Variants in ETV6 observed in about 807,000 individuals in gnomAD.
The protein encoded by ETV6 is transcription factor ETV6.
ETV6 carries 16 observed loss-of-function variants against 51.1 expected under a neutral mutation model. The observed-to-expected ratio is 0.31, with a 90% CI of 0.21 to 0.48. The LOEUF (loss-of-function observed/expected upper bound fraction) is 0.48, where lower values mean the gene tolerates loss of function less well. Ranked by LOEUF, ETV6 falls within the 20% of genes least tolerant of loss-of-function variation. The pLI is 0.99. For synonymous variants in ETV6, 240 were observed against 224.1 expected, an observed-to-expected ratio of 1.07 and a Z score of -0.64; for missense variants, 458 against 594.8, an observed-to-expected ratio of 0.77 and a Z score of 2.39.
intron 2 of ETV6, among the ~76,000 whole-genome samples, chr12:11,807,284 A>G (rs1214340172): frequency 1.3e-5 from 2 of 152,246 alleles, no homozygotes; most frequent in Non-Finnish European, 2.9e-5. Context: ...GAATAAATGC[A>G]CACTAAATAG....
intron 4 of ETV6, among the ~76,000 whole-genome samples, chr12:11,868,391 G>GGAGTGTCAT (rs1186025584): frequency 6.6e-6 from 1 of 151,018 alleles, no homozygotes; most frequent in Non-Finnish European, 1.5e-5. Context: ...CTCTTGGTTA[G>GGAGTGTCAT]GAGTGTCATG....
chr12:11,762,057 A>G (rs1945093508), intron 2 of ETV6, among the ~76,000 whole-genome samples: 3 of 152,310 alleles, frequency 2.0e-5, no homozygotes, highest in African/African-American at 7.2e-5. Context: ...GGGAAATCCA[A>G]CACCCAGCTC....
intron 2 of ETV6, among the ~76,000 whole-genome samples, chr12:11,821,559 G>A (rs772373525): frequency 3.9e-5 from 6 of 151,942 alleles, no homozygotes; most frequent in African/African-American, 1.2e-4. Flanking sequence ...GATGTTGACC[G>A]GGCACAGTGG....
In ETV6 at chr12:11,741,875, C is replaced by A. The variant is rs151331270; in HGVS notation, c.34-10575C>A. On this transcript the variant is annotated intron_variant, in intron 1 of 7. Coordinates refer to ENST00000396373, the MANE Select transcript of ETV6 (RefSeq NM_001987.5). ...ACAGTGATTCGCAACTTTAGCTCTG[C>A]ATATTGCAATCACCTGGGAGCTTTA... 1.7e-4 allele frequency among the ~76,000 whole-genome samples: 26 copies of A among 152,354 alleles called. No individual in the cohort carries two copies. The East Asian group carries it at 3.5e-3, about 20-fold the overall frequency.
rs1307404661 is a variant in ETV6, at chr12:11,801,654, A to G, written c.164-37486A>G. 4.6e-5 allele frequency among the ~76,000 whole-genome samples: 7 copies of G among 152,302 alleles called. No homozygotes were observed. In the East Asian group the frequency reaches 1.4e-3, roughly 29 times the overall value. ...CGGTTTACCAGTTTTCATGTAATAT[A>G]TTAACCTATCTCATTTAATCATTAC... is the stretch of plus-strand genomic sequence containing the variant. On this transcript the variant is annotated intron_variant, in intron 2 of 7. Transcript: ENST00000396373.
intron 2 of ETV6, among the ~76,000 whole-genome samples, chr12:11,813,426 G>A (rs982547750): frequency 6.6e-6 from 1 of 152,138 alleles, no homozygotes; most frequent in African/African-American, 2.4e-5. Context: ...ATGTGGCCAC[G>A]ACTCAGAATT....
Position 11,836,320 on chromosome 12 carries a change from T to C in ETV6, c.164-2820T>C, listed in dbSNP as rs1198854462. On this transcript the variant is annotated intron_variant, in intron 2 of 7. Coordinates refer to ENST00000396373, the MANE Select transcript of ETV6 (RefSeq NM_001987.5). ...ACGTGTCCACCTACTTCACTCTTTATGCTAAAGGAAGAGCAGCGACGCTGA... is the reference window on the plus strand; with the variant it reads ...ACGTGTCCACCTACTTCACTCTTTACGCTAAAGGAAGAGCAGCGACGCTGA... Among the ~76,000 whole-genome samples, 3 of 152,230 alleles carry C rather than the reference T, an allele frequency of 2.0e-5. No individual in the cohort carries two copies. In the East Asian group the frequency reaches 5.8e-4, roughly 29 times the overall value.
Position 11,679,753 on chromosome 12 carries a change from T to G in ETV6, c.33+29593T>G, listed in dbSNP as rs539288979. Among the ~76,000 whole-genome samples the G allele has an allele frequency of 4.6e-5, 7 of 152,350 alleles. No individual in the cohort carries two copies. The South Asian group carries it at 1.4e-3, about 32-fold the overall frequency. Reference sequence around the variant, plus strand: ...GATGATTTGTGTCTTTCATAGACCATGTATCAGAGGTGGAGAAACAGCTTC... The same window carrying G: ...GATGATTTGTGTCTTTCATAGACCAGGTATCAGAGGTGGAGAAACAGCTTC... On this transcript the variant is annotated intron_variant, in intron 1 of 7. Transcript: ENST00000396373.
chr12:11,862,192 A>G, intron 4 of ETV6, among the ~76,000 whole-genome samples: 1 of 152,198 alleles, frequency 6.6e-6, no homozygotes. Flanking sequence ...CCTAGGGTTT[A>G]TTGTTGATAA....
intron 2 of ETV6, among the ~76,000 whole-genome samples, chr12:11,822,756 A>G (rs1308497707): frequency 6.6e-6 from 1 of 152,192 alleles, no homozygotes; most frequent in Non-Finnish European, 1.5e-5. Flanking sequence ...GGGGGAAGTA[A>G]AGGGAAAGTG....
At chr12:11,658,329 A>G (rs925794363) in intron 1 of ETV6, among the ~76,000 whole-genome samples, 10 of 152,144 alleles carry the variant, frequency 6.6e-5, no homozygotes, top group South Asian at 2.1e-4. Flanking sequence ...TCTGCCTCCC[A>G]GGTTCAAGCA....
At chr12:11,717,080 C>G (rs764282830) in intron 1 of ETV6, among the ~76,000 whole-genome samples, 8 of 152,206 alleles carry the variant, frequency 5.3e-5, no homozygotes, top group Non-Finnish European at 1.2e-4. Flanking sequence ...TAGATGCTTC[C>G]CCTGAGCCTC....
chr12:11,868,962 C>T (rs762591741), intron 4 of ETV6, among the ~76,000 whole-genome samples: 4 of 152,068 alleles, frequency 2.6e-5, no homozygotes, highest in Non-Finnish European at 5.9e-5. Flanking sequence ...TAAGGCCAGG[C>T]GCGGTGGCTC....
At position 11,704,215 on chromosome 12, in the gene ETV6, G is replaced by A. The variant is rs531562091; in HGVS notation, c.34-48235G>A. ...GTGTTGACACATGGTAGGTACTCAAGACATGCTGGCTGAATGAATCAGTGA... is the reference window on the plus strand; with the variant it reads ...GTGTTGACACATGGTAGGTACTCAAAACATGCTGGCTGAATGAATCAGTGA... On this transcript the variant is annotated intron_variant, in intron 1 of 7. Coordinates refer to ENST00000396373, the MANE Select transcript of ETV6 (RefSeq NM_001987.5). Among the ~76,000 whole-genome samples, 64 of 152,334 alleles carry A rather than the reference G, an allele frequency of 4.2e-4. No individual in the cohort carries two copies. The Middle Eastern group carries it at 0.014, about 32-fold the overall frequency.
At chr12:11,881,482 T>A (rs1352718595) in intron 5 of ETV6, among the ~76,000 whole-genome samples, 2 of 152,160 alleles carry the variant, frequency 1.3e-5, no homozygotes, top group African/African-American at 2.4e-5. Flanking sequence ...GCTGGGGAGA[T>A]CAAGGCCCTG....
intron 4 of ETV6, among the ~76,000 whole-genome samples, chr12:11,859,130 T>C (rs1381408942): frequency 0.29 from 10,532 of 35,906 alleles, 4,334 homozygotes; most frequent in Non-Finnish European, 0.45. Context: ...TTTTTTTTTT[T>C]TTTTTTTTTT....
At chr12:11,758,587 C>T (rs1419684614) in intron 2 of ETV6, among the ~76,000 whole-genome samples, 7 of 152,214 alleles carry the variant, frequency 4.6e-5, no homozygotes, top group African/African-American at 1.7e-4. Flanking sequence ...TTCCTACCCA[C>T]ATGTCTCTCC....
At chr12:11,672,839 G>T (rs1364569376) in intron 1 of ETV6, among the ~76,000 whole-genome samples, 1 of 152,182 alleles carries the variant, frequency 6.6e-6, no homozygotes, top group African/African-American at 2.4e-5. Flanking sequence ...TGGGGTGAGG[G>T]TAGGAAGGCG....
intron 1 of ETV6, among the ~76,000 whole-genome samples, chr12:11,707,652 A>G (rs957762118): frequency 6.6e-6 from 1 of 152,220 alleles, no homozygotes; most frequent in Admixed American, 6.5e-5. Context: ...AACCTCCTGC[A>G]TGTAGATTTA....
Sources: allele counts gnomAD v4.1 joint callset (sites outside exome capture counted in the v4.1 genomes callset), GRCh38; gene constraint gnomAD v4.1.1; transcripts MANE v1.5; gene names NCBI Gene and HGNC (gene_info 2026-07-23, HGNC 2026-07-21).